Variants in CSMD1 observed in about 807,000 individuals in gnomAD.
CSMD1 encodes CUB and sushi domain-containing protein 1.
In CSMD1, 213 loss-of-function variants were observed where a neutral mutation model predicts 417.5. The observed-to-expected ratio is 0.51, with a 90% confidence interval of 0.46 to 0.57. The LOEUF (loss-of-function observed/expected upper bound fraction) is 0.57. CSMD1 is among the 20% of genes least tolerant of loss of function. The pLI is 0.00. For synonymous variants in CSMD1, 2,862 were observed against 1,736.8 expected (o/e 1.65, Z -16.11); for missense variants, 6,923 against 4,529.7 (o/e 1.53, Z -15.17).
At chr8:4,101,212 C>T (rs1801287667) in intron 3 of CSMD1, among the ~76,000 whole-genome samples, 1 of 152,176 alleles carries the variant, frequency 6.6e-6, no homozygotes, top group African/African-American at 2.4e-5. Context: ...CGTATGAATT[C>T]TTGGTTTTCC....
At chr8:4,962,765 A>G (rs1809592834) in intron 1 of CSMD1, among the ~76,000 whole-genome samples, 1 of 152,230 alleles carries the variant, frequency 6.6e-6, no homozygotes, top group Non-Finnish European at 1.5e-5. Flanking sequence ...TTCTTGGGAT[A>G]TGGCAGAGAG....
At chr8:4,953,959 A>G (rs544286041) in intron 1 of CSMD1, among the ~76,000 whole-genome samples, 16 of 152,262 alleles carry the variant, frequency 1.1e-4, no homozygotes, top group Admixed American at 9.8e-4. Flanking sequence ...AATGCACAGT[A>G]AAGTTAAGAA....
At chr8:3,195,833 T>A (rs1318412060) in intron 33 of CSMD1, among the ~76,000 whole-genome samples, 3 of 152,186 alleles carry the variant, frequency 2.0e-5, no homozygotes, top group Non-Finnish European at 4.4e-5. Flanking sequence ...ATCTCCCACG[T>A]CTTCAAGAAA....
intron 1 of CSMD1, among the ~76,000 whole-genome samples, chr8:4,955,131 G>T (rs1449933009): frequency 1.3e-5 from 2 of 152,078 alleles, no homozygotes; most frequent in Non-Finnish European, 2.9e-5. Flanking sequence ...CTCTTTGGCT[G>T]CACCTCCAGT....
intron 3 of CSMD1, among the ~76,000 whole-genome samples, chr8:4,117,802 T>C (rs1402188213): frequency 1.3e-5 from 2 of 152,114 alleles, no homozygotes; most frequent in African/African-American, 4.8e-5. Context: ...GCTCAGAACG[T>C]ATCCTAGAGG....
chr8:4,285,959 T>C (rs951675709), intron 3 of CSMD1, among the ~76,000 whole-genome samples: 1 of 152,196 alleles, frequency 6.6e-6, no homozygotes, highest in Admixed American at 6.5e-5. Flanking sequence ...CGCAATGCTA[T>C]AATTACACGT....
At chr8:4,571,796 C>T (rs535319360) in intron 2 of CSMD1, among the ~76,000 whole-genome samples, 106 of 152,184 alleles carry the variant, frequency 7.0e-4, no homozygotes, top group African/African-American at 2.4e-3. Context: ...ACTTGCTTTC[C>T]GAATCTGGGG....
chr8:3,937,420 T>A (rs1377640541), intron 5 of CSMD1, among the ~76,000 whole-genome samples: 6 of 152,158 alleles, frequency 3.9e-5, no homozygotes, highest in Admixed American at 6.6e-5. Flanking sequence ...GTCACCTCAA[T>A]TCTCAGCAAC....
intron 3 of CSMD1, among the ~76,000 whole-genome samples, chr8:4,288,532 A>C (rs1362393207): frequency 6.6e-6 from 1 of 152,170 alleles, no homozygotes; most frequent in Admixed American, 6.5e-5. Flanking sequence ...CAGATACCAC[A>C]TCCTGTCCTT....
intron 23 of CSMD1, among the ~76,000 whole-genome samples, chr8:3,312,969 T>C (rs1021713358): frequency 6.6e-6 from 1 of 152,212 alleles, no homozygotes; most frequent in East Asian, 1.9e-4. Flanking sequence ...TAGAATATAA[T>C]CATTGTTTCC....
chr8:3,970,848 T>C (rs1813032271), intron 5 of CSMD1, among the ~76,000 whole-genome samples: 1 of 152,100 alleles, frequency 6.6e-6, no homozygotes, highest in Admixed American at 6.5e-5. Flanking sequence ...GCCTCCCGGG[T>C]TCACGCCATT....
intron 3 of CSMD1, among the ~76,000 whole-genome samples, chr8:4,074,750 CA>C (rs199716893): frequency 1.7e-4 from 25 of 146,778 alleles, no homozygotes; most frequent in African/African-American, 3.5e-4. Flanking sequence ...AAGAAACAAA[CA>C]AAAAAAAAAC....
At chr8:3,455,769 T>C (rs1816083273) in intron 12 of CSMD1, among the ~76,000 whole-genome samples, 1 of 152,216 alleles carries the variant, frequency 6.6e-6, no homozygotes, top group Admixed American at 6.5e-5. Flanking sequence ...GGGACCCACT[T>C]GAGGAGGCAG....
intron 5 of CSMD1, among the ~76,000 whole-genome samples, chr8:3,834,997 G>T (rs370074150): frequency 1.3e-5 from 2 of 152,124 alleles, no homozygotes; most frequent in Non-Finnish European, 2.9e-5. Context: ...TCAGAGAAAT[G>T]CAAGTCAAAA....
chr8:3,794,051 C>A (rs1313881947), intron 5 of CSMD1, among the ~76,000 whole-genome samples: 1 of 152,186 alleles, frequency 6.6e-6, no homozygotes, highest in Non-Finnish European at 1.5e-5. Flanking sequence ...AAATGACGAA[C>A]CGTGTTCCAC....
At chr8:4,628,603 A>G (rs1802303298) in intron 2 of CSMD1, among the ~76,000 whole-genome samples, 1 of 80,488 alleles carries the variant, frequency 1.2e-5, no homozygotes, top group East Asian at 3.9e-4. Flanking sequence ...CACAGGAAAA[A>G]GAAAATGTTA....
intron 10 of CSMD1, among the ~76,000 whole-genome samples, chr8:3,538,793 C>T (rs1405584970): frequency 2.0e-5 from 3 of 152,212 alleles, no homozygotes; most frequent in Non-Finnish European, 4.4e-5. Flanking sequence ...CACTTCTCCA[C>T]TTGCACCAAG....
intron 1 of CSMD1, among the ~76,000 whole-genome samples, chr8:4,659,087 CAAATA>C (rs1320438964): frequency 6.6e-6 from 1 of 151,876 alleles, no homozygotes; most frequent in Admixed American, 6.6e-5. Flanking sequence ...CAAATACATA[CAAATA>C]AAATAACCGA....
chr8:4,771,165 A>C (rs1260919129), intron 1 of CSMD1, among the ~76,000 whole-genome samples: 1 of 152,230 alleles, frequency 6.6e-6, no homozygotes, highest in Non-Finnish European at 1.5e-5. Context: ...CACATTACAC[A>C]GAGAAGACTG....
Sources: allele counts gnomAD v4.1 joint callset (sites outside exome capture counted in the v4.1 genomes callset), GRCh38; gene constraint gnomAD v4.1.1; transcripts MANE v1.5; gene names NCBI Gene and HGNC (gene_info 2026-07-23, HGNC 2026-07-21).